The following CD96 variants were observed in gnomAD, a reference collection of about 807,000 sequenced individuals.
CD96 encodes CD96 molecule.
A neutral mutation model predicts 71.3 loss-of-function variants in CD96; 70 were observed. The observed-to-expected ratio is 0.98, with a 90% confidence interval of 0.81 to 1.20. CD96 has a LOEUF of 1.20. Among genes scored for constraint, CD96 ranks in the 50% most tolerant of loss-of-function variants. CD96 has a pLI of 0.00. For synonymous variants in CD96, 248 were observed against 233.0 expected, an observed-to-expected ratio of 1.06 and a Z score of -0.59; for missense variants, 742 against 677.5, an observed-to-expected ratio of 1.10 and a Z score of -1.06.
intron 10 of CD96, among the ~76,000 whole-genome samples, chr3:111,627,333 A>G (rs1341692287): frequency 1.3e-5 from 2 of 152,194 alleles, no homozygotes; most frequent in African/African-American, 4.8e-5. Flanking sequence ...TCCAAACGGA[A>G]CAGAGCAGAG....
intron 3 of CD96, among the ~76,000 whole-genome samples, chr3:111,573,708 G>A (rs1181567122): frequency 1.3e-5 from 2 of 152,114 alleles, no homozygotes; most frequent in African/African-American, 4.8e-5. Flanking sequence ...CATAACTATA[G>A]ATTCTCATCT....
At chr3:111,664,302 A>G (rs759752590) in intron 14 of CD96, among the ~76,000 whole-genome samples, 11 of 152,226 alleles carry the variant, frequency 7.2e-5, no homozygotes, top group Non-Finnish European at 1.3e-4. Context: ...TGTGGTACAT[A>G]TACACTGTGG....
At chr3:111,558,132 T>C (rs1935173847) in intron 2 of CD96, among the ~76,000 whole-genome samples, 2 of 135,300 alleles carry the variant, frequency 1.5e-5, no homozygotes, top group South Asian at 5.1e-4. Context: ...TTTCTAGATA[T>C]ACAATCATGT....
chr3:111,578,978 A>G (rs777701256), intron 3 of CD96, 49 bp from the exon 4 acceptor site: 6 of 907,598 alleles, frequency 6.6e-6, no homozygotes. Flanking sequence ...CCTAGTTCAG[A>G]GCTGGCACAG....
intron 4 of CD96, among the ~76,000 whole-genome samples, chr3:111,579,921 A>G (rs547560279): frequency 1.3e-5 from 2 of 152,358 alleles, no homozygotes; most frequent in Admixed American, 6.5e-5. Context: ...GGTGACCACT[A>G]TCTTATTTAC....
chr3:111,602,214 T>C (rs977114591), intron 7 of CD96, among the ~76,000 whole-genome samples: 4 of 152,150 alleles, frequency 2.6e-5, no homozygotes, highest in African/African-American at 9.7e-5. Context: ...TAAAGGACCC[T>C]AAAAGCTCAA....
At chr3:111,578,152 G>T (rs1018484205) in intron 3 of CD96, among the ~76,000 whole-genome samples, 3 of 152,092 alleles carry the variant, frequency 2.0e-5, no homozygotes, top group African/African-American at 7.2e-5. Context: ...CTACCCTTGT[G>T]CCCGTCAAGA....
At chr3:111,575,640 A>G (rs1936188570) in intron 3 of CD96, among the ~76,000 whole-genome samples, 1 of 152,252 alleles carries the variant, frequency 6.6e-6, no homozygotes, top group African/African-American at 2.4e-5. Context: ...ATTTATAAAC[A>G]GAACATTTAT....
At chr3:111,592,836 T>G (rs1303146095) in intron 5 of CD96, 1 of 152,220 alleles carries the variant, frequency 6.6e-6, no homozygotes, top group Non-Finnish European at 1.5e-5. Context: ...CATTTCTCTG[T>G]GCTAATTACA....
intron 8 of CD96, among the ~76,000 whole-genome samples, chr3:111,622,136 A>C (rs756103518): frequency 6.6e-5 from 10 of 152,102 alleles, no homozygotes; most frequent in Non-Finnish European, 1.3e-4. Context: ...TGTATTTCTG[A>C]CTATTAGCCC....
intron 10 of CD96, among the ~76,000 whole-genome samples, chr3:111,631,528 G>A (rs1290448605): frequency 1.3e-5 from 2 of 152,076 alleles, no homozygotes; most frequent in African/African-American, 4.8e-5. Context: ...ATGCACATGG[G>A]TAGGAAGAAT....
chr3:111,657,214 T>C (rs765551293), downstream of CD96, among the ~76,000 whole-genome samples: 4 of 151,962 alleles, frequency 2.6e-5, no homozygotes, highest in Admixed American at 6.5e-5. Context: ...AGTCAGGAGT[T>C]TGAGACCAGC....
intron 8 of CD96, among the ~76,000 whole-genome samples, chr3:111,610,321 T>G (rs1436775637): frequency 6.6e-6 from 1 of 152,230 alleles, no homozygotes; most frequent in Admixed American, 6.5e-5. Context: ...ACTTCCTGCC[T>G]CAGAAGCTGG....
intron 5 of CD96, among the ~76,000 whole-genome samples, chr3:111,592,598 C>A (rs1238989230): frequency 2.0e-5 from 3 of 152,140 alleles, no homozygotes; most frequent in Non-Finnish European, 4.4e-5. Context: ...CTTTGCATTT[C>A]TTCTCTATCC....
At chr3:111,544,490 T>G (rs1934279290) in intron 1 of CD96, among the ~76,000 whole-genome samples, 1 of 152,140 alleles carries the variant, frequency 6.6e-6, no homozygotes, top group Non-Finnish European at 1.5e-5. Flanking sequence ...GTGGCCCAGT[T>G]TCTTCCTCAT....
chr3:111,546,913 G>GACACAGACACACACACACACACAC (rs1491160910), intron 2 of CD96, among the ~76,000 whole-genome samples: 1 of 51,896 alleles, frequency 1.9e-5, no homozygotes, highest in Non-Finnish European at 4.3e-5. Flanking sequence ...CACACACACA[G>GACACAGACACACACACACACACAC]ACACATACAC....
chr3:111,576,554 G>A (rs1207683746), intron 3 of CD96, among the ~76,000 whole-genome samples: 1 of 152,076 alleles, frequency 6.6e-6, no homozygotes, highest in African/African-American at 2.4e-5. Flanking sequence ...AGTACAAATT[G>A]TATCTGAGAC....
At chr3:111,617,936 C>T (rs1030636336) in intron 8 of CD96, among the ~76,000 whole-genome samples, 5 of 152,252 alleles carry the variant, frequency 3.3e-5, no homozygotes, top group African/African-American at 1.2e-4. Flanking sequence ...TTCCTGGCAT[C>T]TCCAAGCTTT....
intron 5 of CD96, among the ~76,000 whole-genome samples, chr3:111,586,244 T>C (rs948977085): frequency 2.6e-5 from 4 of 152,164 alleles, no homozygotes; most frequent in African/African-American, 7.2e-5. Context: ...AAGTAAAAAA[T>C]ATACTCATTA....
Sources: gnomAD v4.1 joint callset for allele counts (sites outside exome capture counted in the v4.1 genomes callset) on GRCh38, gnomAD v4.1.1 for gene constraint, MANE v1.5 for transcripts, NCBI Gene and HGNC (gene_info 2026-07-23, HGNC 2026-07-21) for gene names.